LRMDA: variants seen among roughly 807,000 people sequenced by gnomAD.
LRMDA encodes leucine rich melanocyte differentiation associated, also known as leucine-rich melanocyte differentiation-associated protein.
In LRMDA, 18 loss-of-function variants were observed where a neutral mutation model predicts 29.8. The ratio of observed to expected loss-of-function variants is 0.60; its 90% CI spans 0.42 to 0.90. The LOEUF (loss-of-function observed/expected upper bound fraction) is 0.90. LRMDA is among the 40% of genes least tolerant of loss of function. The probability of loss-of-function intolerance (pLI) is 0.00; values close to 1 mark genes in which losing one functional copy is unlikely to be tolerated. For missense variants in LRMDA, 273 were observed against 273.9 expected (o/e 1.00, Z 0.02); for synonymous variants, 125 against 109.4 (o/e 1.14, Z -0.89).
chr10:76,148,972 A>G (rs761034730), intron 5 of LRMDA, among the ~76,000 whole-genome samples: 7 of 152,160 alleles, frequency 4.6e-5, no homozygotes, highest in South Asian at 2.1e-4. Flanking sequence ...GAAAATACCA[A>G]TCTGTTTTCC....
At chr10:75,437,474 G>A (rs1844274963) in intron 1 of LRMDA, among the ~76,000 whole-genome samples, 1 of 152,180 alleles carries the variant, frequency 6.6e-6, no homozygotes, top group African/African-American at 2.4e-5. Context: ...GAAACAGCAT[G>A]CATTGTGGCC....
At chr10:75,547,384 T>C (rs74147109) in intron 2 of LRMDA, among the ~76,000 whole-genome samples, 1 of 152,328 alleles carries the variant, frequency 6.6e-6, no homozygotes, top group African/African-American at 2.4e-5. Flanking sequence ...AAGACTCTGG[T>C]GGCCCTTGTG....
chr10:76,117,612 C>T (rs1223328085), intron 5 of LRMDA, among the ~76,000 whole-genome samples: 1 of 152,234 alleles, frequency 6.6e-6, no homozygotes, highest in Non-Finnish European at 1.5e-5. Flanking sequence ...GCTCCAAAAA[C>T]AGTCACTTAA....
intron 5 of LRMDA, among the ~76,000 whole-genome samples, chr10:76,204,892 A>G (rs1001831580): frequency 6.6e-6 from 1 of 152,216 alleles, no homozygotes. Context: ...ATTATGAGAG[A>G]TCCAGAAAAA....
intron 5 of LRMDA, among the ~76,000 whole-genome samples, chr10:76,172,882 TATA>T (rs1474046808): frequency 6.6e-6 from 1 of 152,198 alleles, no homozygotes; most frequent in African/African-American, 2.4e-5. Context: ...ATATCAGATT[TATA>T]ATATCTGGCA....
At chr10:76,494,252 C>A (rs1842861221) in intron 6 of LRMDA, among the ~76,000 whole-genome samples, 1 of 150,954 alleles carries the variant, frequency 6.6e-6, no homozygotes, top group Admixed American at 6.6e-5. Context: ...TCCTTGTCAA[C>A]TTTCTGATCG....
chr10:75,886,232 T>G (rs1845385024), intron 2 of LRMDA, among the ~76,000 whole-genome samples: 1 of 152,218 alleles, frequency 6.6e-6, no homozygotes, highest in Admixed American at 6.5e-5. Context: ...AGGAAACTTT[T>G]ACAGAAATTG....
intron 2 of LRMDA, among the ~76,000 whole-genome samples, chr10:75,753,625 A>G (rs989978078): frequency 5.3e-5 from 8 of 152,240 alleles, no homozygotes; most frequent in African/African-American, 1.9e-4. Context: ...AAGGGAGGCC[A>G]GAGCCAGCCT....
intron 5 of LRMDA, among the ~76,000 whole-genome samples, chr10:76,277,259 A>C (rs1840147552): frequency 6.6e-6 from 1 of 152,214 alleles, no homozygotes; most frequent in African/African-American, 2.4e-5. Context: ...ACATTAAAAA[A>C]GAACAATAAA....
chr10:75,567,790 C>G (rs1322623452), intron 2 of LRMDA, among the ~76,000 whole-genome samples: 1 of 152,146 alleles, frequency 6.6e-6, no homozygotes, highest in African/African-American at 2.4e-5. Context: ...AGTATTTTAT[C>G]AGTTAGAACT....
intron 2 of LRMDA, among the ~76,000 whole-genome samples, chr10:75,858,861 G>A (rs1256781351): frequency 6.6e-6 from 1 of 152,208 alleles, no homozygotes; most frequent in Non-Finnish European, 1.5e-5. Flanking sequence ...TTCCCCAGAA[G>A]AGATAACCAC....
chr10:76,512,305 T>C (rs1843016450), intron 6 of LRMDA, among the ~76,000 whole-genome samples: 1 of 152,226 alleles, frequency 6.6e-6, no homozygotes, highest in African/African-American at 2.4e-5. Context: ...AACGGACTAA[T>C]ACACTCACAC....
rs932209625 is a variant in LRMDA at position 76,013,688 on chromosome 10, C to G, written c.132-22320C>G. On this transcript the variant is annotated intron_variant, in intron 2 of 6. Coordinates refer to ENST00000611255, the MANE Select transcript of LRMDA (RefSeq NM_001305581.2). ...GACAGAGGGAGGTGGGGGGGAAGGC[C>G]GAGGAAGAGTGGAGTTGACAAGCCA... 2.0e-5 allele frequency among the ~76,000 whole-genome samples: 3 copies of G among 151,806 alleles called. No homozygotes were observed. The East Asian group carries it at 5.8e-4, about 29-fold the overall frequency.
At chr10:76,119,267 C>T (rs1849727918) in intron 5 of LRMDA, among the ~76,000 whole-genome samples, 1 of 152,000 alleles carries the variant, frequency 6.6e-6, no homozygotes, top group Non-Finnish European at 1.5e-5. Context: ...GGCAAGATGA[C>T]AAGCTTCAAT....
intron 2 of LRMDA, among the ~76,000 whole-genome samples, chr10:75,674,102 G>A (rs546886265): frequency 6.6e-6 from 1 of 152,182 alleles, no homozygotes; most frequent in African/African-American, 2.4e-5. Context: ...TTAATGCTGG[G>A]ACTAGTTTTT....
intron 2 of LRMDA, among the ~76,000 whole-genome samples, chr10:75,850,858 A>G (rs1844719819): frequency 6.6e-6 from 1 of 152,198 alleles, no homozygotes; most frequent in African/African-American, 2.4e-5. Context: ...GAGTTGAAAC[A>G]GTAGTGTTCT....
At chr10:75,686,863 G>T (rs1465911722) in intron 2 of LRMDA, among the ~76,000 whole-genome samples, 1 of 152,174 alleles carries the variant, frequency 6.6e-6, no homozygotes, top group African/African-American at 2.4e-5. Flanking sequence ...GTGGCTCTGT[G>T]TCCCATGTTA....
At chr10:75,796,390 A>G (rs1403471155) in intron 2 of LRMDA, among the ~76,000 whole-genome samples, 1 of 152,042 alleles carries the variant, frequency 6.6e-6, no homozygotes, top group Non-Finnish European at 1.5e-5. Flanking sequence ...ATGGGTATTG[A>G]CTTTTTCTGA....
At chr10:75,510,393 T>C (rs1171067806) in intron 2 of LRMDA, among the ~76,000 whole-genome samples, 1 of 152,190 alleles carries the variant, frequency 6.6e-6, no homozygotes, top group Non-Finnish European at 1.5e-5. Context: ...AAAGCATAGA[T>C]GCTGTTGGGT....
Sources: allele counts gnomAD v4.1 joint callset (sites outside exome capture counted in the v4.1 genomes callset), GRCh38; gene constraint gnomAD v4.1.1; transcripts MANE v1.5; gene names NCBI Gene and HGNC (gene_info 2026-07-23, HGNC 2026-07-21).